HDAC9: variants seen among roughly 807,000 people sequenced by gnomAD.
HDAC9 encodes the protein histone deacetylase 9, also known as MEF-2 interacting transcription repressor (MITR) protein.
HDAC9 carries 41 observed loss-of-function variants against 139.4 expected under a neutral mutation model. That is an observed-to-expected ratio of 0.29 (90% confidence interval 0.23 to 0.38). The LOEUF (loss-of-function observed/expected upper bound fraction) is 0.38, where lower values mean the gene tolerates loss of function less well. Among genes scored for constraint, HDAC9 ranks in the 10% least tolerant of loss-of-function variants. The probability of loss-of-function intolerance (pLI) is 1.00; values close to 1 mark genes in which losing one functional copy is unlikely to be tolerated. For missense variants in HDAC9, 1,147 were observed against 1,297.0 expected (o/e 0.88, Z 1.78); for synonymous variants, 517 against 476.2 (o/e 1.09, Z -1.12).
Position 18,666,756 on chromosome 7 carries a change from C to T in HDAC9, c.1731+280C>T, listed in dbSNP as rs1794995127. The T allele has an allele frequency of 3.3e-6, 4 of 1,229,248 alleles. No homozygotes were observed. In the East Asian group the frequency reaches 1.4e-4, roughly 44 times the overall value. 76.1% of individuals were successfully genotyped at this position (1,229,248 alleles called of 1,614,324 possible). On this transcript the variant is annotated intron_variant, in intron 12 of 25. Transcript: ENST00000686413. Reference sequence around the variant, plus strand: ...AAAATTATGATACATAATATCTGAGCAGTTAATAGGCTTTAAATTTATCCC... The same window carrying T: ...AAAATTATGATACATAATATCTGAGTAGTTAATAGGCTTTAAATTTATCCC...
chr7:18,773,087 G>A (rs1271193022), intron 16 of HDAC9, among the ~76,000 whole-genome samples: 1 of 151,934 alleles, frequency 6.6e-6, no homozygotes, highest in East Asian at 1.9e-4. Context: ...GAAAATGAGA[G>A]AAGAAAACCT....
At chr7:18,287,114 T>TTAAAGGAA (rs1414805750), upstream of HDAC9, among the ~76,000 whole-genome samples, 1 of 152,322 alleles carries the variant, frequency 6.6e-6, no homozygotes, top group South Asian at 2.1e-4. Flanking sequence ...GTTTTGCCCA[T>TTAAAGGAA]TTTAATGGTA....
chr7:18,293,010 A>C (rs560452143), intron 1 of HDAC9, among the ~76,000 whole-genome samples: 9 of 150,770 alleles, frequency 6.0e-5, no homozygotes, highest in African/African-American at 2.2e-4. Context: ...TTTTTTCTTC[A>C]CTCAAGGGGA....
At chr7:18,198,186 C>T (rs1790857915) in intron 2 of HDAC9, among the ~76,000 whole-genome samples, 1 of 151,920 alleles carries the variant, frequency 6.6e-6, no homozygotes, top group Non-Finnish European at 1.5e-5. Flanking sequence ...ATAATCTTGT[C>T]TAGAAGCAGC....
intron 11 of HDAC9, among the ~76,000 whole-genome samples, chr7:18,664,204 T>C (rs1184208192): frequency 6.6e-6 from 1 of 152,120 alleles, no homozygotes; most frequent in Non-Finnish European, 1.5e-5. Flanking sequence ...GCAAATAGTT[T>C]CCTAAAATAT....
chr7:18,451,999 A>T (rs1363627840), intron 1 of HDAC9, among the ~76,000 whole-genome samples: 2 of 152,150 alleles, frequency 1.3e-5, no homozygotes, highest in African/African-American at 2.4e-5. Flanking sequence ...GTGGAACCTA[A>T]AACAGATACT....
intron 25 of HDAC9, among the ~76,000 whole-genome samples, chr7:18,993,795 C>G (rs746609728): frequency 6.6e-6 from 1 of 151,820 alleles, no homozygotes; most frequent in Non-Finnish European, 1.5e-5. Context: ...AGAGTGAGAC[C>G]CTGTCTCAAA....
intron 12 of HDAC9, among the ~76,000 whole-genome samples, chr7:18,694,872 G>A (rs996804519): frequency 3.8e-4 from 58 of 152,064 alleles, no homozygotes; most frequent in African/African-American, 1.3e-3. Context: ...CTATTGAAAA[G>A]TATTAATAAA....
chr7:18,173,080 G>C (rs1177910090), intron 2 of HDAC9, among the ~76,000 whole-genome samples: 1 of 152,154 alleles, frequency 6.6e-6, no homozygotes, highest in Non-Finnish European at 1.5e-5. Flanking sequence ...TATTGTGAGG[G>C]AGTCCAAGTC....
intron 21 of HDAC9, among the ~76,000 whole-genome samples, chr7:18,862,279 AGG>A (rs200997422): frequency 1.3e-5 from 2 of 152,188 alleles, no homozygotes; most frequent in African/African-American, 4.8e-5. Flanking sequence ...GAGAATGTGA[AGG>A]GGGAAAAAAG....
intron 21 of HDAC9, among the ~76,000 whole-genome samples, chr7:18,861,248 C>A (rs1011083518): frequency 6.6e-6 from 1 of 152,106 alleles, no homozygotes; most frequent in Admixed American, 6.6e-5. Flanking sequence ...TACTTCAGTA[C>A]AATTTTAATA....
chr7:18,439,023 G>A (rs537386343), intron 1 of HDAC9, among the ~76,000 whole-genome samples: 1 of 152,150 alleles, frequency 6.6e-6, no homozygotes, highest in South Asian at 2.1e-4. Context: ...CTTAGTATTT[G>A]TACTTCCATA....
At chr7:18,272,993 C>G (rs1796466086) in intron 2 of HDAC9, among the ~76,000 whole-genome samples, 1 of 146,030 alleles carries the variant, frequency 6.8e-6, no homozygotes, top group Non-Finnish European at 1.5e-5. Flanking sequence ...TCTCCTCCTC[C>G]TCCTCTTCTT....
At chr7:18,987,937 A>G (rs928015422) in intron 25 of HDAC9, among the ~76,000 whole-genome samples, 9 of 145,136 alleles carry the variant, frequency 6.2e-5, no homozygotes, top group African/African-American at 1.9e-4. Flanking sequence ...TTTTTATCGC[A>G]TCTATTTGAT....
chr7:18,660,766 G>A (rs528784635), intron 11 of HDAC9, among the ~76,000 whole-genome samples: 2 of 152,228 alleles, frequency 1.3e-5, no homozygotes, highest in South Asian at 4.1e-4. Context: ...CCTTGTGGGC[G>A]AACAAACTCT....
At chr7:18,278,494 A>T (rs60254939) in intron 2 of HDAC9, among the ~76,000 whole-genome samples, 3 of 152,238 alleles carry the variant, frequency 2.0e-5, no homozygotes, top group African/African-American at 7.2e-5. Flanking sequence ...AGCAGCACCA[A>T]TAATTCAAAA....
intron 6 of HDAC9, among the ~76,000 whole-genome samples, chr7:18,600,402 C>T (rs923407302): frequency 6.6e-6 from 1 of 152,068 alleles, no homozygotes; most frequent in African/African-American, 2.4e-5. Flanking sequence ...CTGTTTTCTT[C>T]TAGAAGTTTT....
At chr7:18,470,970 G>A (rs1172094182) in intron 1 of HDAC9, among the ~76,000 whole-genome samples, 1 of 151,626 alleles carries the variant, frequency 6.6e-6, no homozygotes, top group Non-Finnish European at 1.5e-5. Context: ...CTACAGTATT[G>A]CTAGGGGATT....
chr7:18,449,879 C>G (rs1263507386), intron 1 of HDAC9, among the ~76,000 whole-genome samples: 1 of 152,090 alleles, frequency 6.6e-6, no homozygotes, highest in Non-Finnish European at 1.5e-5. Context: ...TACCTCTGCT[C>G]TATACTCATG....
Sources: gnomAD v4.1 joint callset for allele counts (sites outside exome capture counted in the v4.1 genomes callset) on GRCh38, gnomAD v4.1.1 for gene constraint, MANE v1.5 for transcripts, NCBI Gene and HGNC (gene_info 2026-07-23, HGNC 2026-07-21) for gene names.